MBP: variants seen among roughly 807,000 people sequenced by gnomAD.
MBP encodes myelin basic protein, also known as Golli-MBP.
Under a neutral mutation model 35.8 loss-of-function variants are expected in MBP, and 16 were observed. The ratio of observed to expected loss-of-function variants is 0.45; its 90% CI spans 0.30 to 0.68. MBP has a LOEUF of 0.68. MBP is among the 30% of genes least tolerant of loss of function. MBP has a pLI of 0.08. For missense variants in MBP, 380 were observed against 404.7 expected (o/e 0.94, Z 0.52); for synonymous variants, 143 against 159.6 (o/e 0.90, Z 0.78).
At chr18:76,986,145 G>A (rs999351555) in intron 7 of MBP, 12 of 985,472 alleles carry the variant, frequency 1.2e-5, no homozygotes, top group East Asian at 1.1e-4. Context: ...GGCTGACCAC[G>A]CTGTTAGCTT....
intron 1 of MBP, among the ~76,000 whole-genome samples, chr18:77,118,811 G>T (rs974822685): frequency 1.6e-5 from 2 of 128,742 alleles, no homozygotes; most frequent in South Asian, 5.1e-4. Flanking sequence ...CACACTATAC[G>T]CACACCACAC....
At chr18:77,094,939 T>C (rs150172975) in intron 2 of MBP, among the ~76,000 whole-genome samples, 285 of 152,316 alleles carry the variant, frequency 1.9e-3, no homozygotes, top group African/African-American at 6.6e-3. Context: ...AGCACAAATA[T>C]AGAACATCTC....
At chr18:77,031,337 C>G (rs1972534419) in intron 3 of MBP, among the ~76,000 whole-genome samples, 1 of 152,228 alleles carries the variant, frequency 6.6e-6, no homozygotes, top group Admixed American at 6.5e-5. Context: ...GCCCTGCTGC[C>G]CACCCTCTCA....
At chr18:77,017,413 T>G (rs1568293956) in intron 3 of MBP, 145 bp from the exon 4 acceptor site, 2 of 644,760 alleles carry the variant, frequency 3.1e-6, no homozygotes, top group African/African-American at 1.8e-5. Flanking sequence ...TGGCCTAGGA[T>G]GGAGCTAACC....
intron 3 of MBP, among the ~76,000 whole-genome samples, chr18:77,053,702 C>T (rs954227202): frequency 2.0e-5 from 3 of 152,222 alleles, no homozygotes; most frequent in Non-Finnish European, 4.4e-5. Flanking sequence ...GGAACACTGC[C>T]ATGTGCAAAT....
intron 2 of MBP, among the ~76,000 whole-genome samples, chr18:77,069,831 C>T (rs1025996533): frequency 3.9e-5 from 6 of 152,148 alleles, no homozygotes; most frequent in Admixed American, 6.5e-5. Flanking sequence ...CACACCAAAG[C>T]GGCCACAGGT....
chr18:77,001,333 G>A (rs1189293196), intron 4 of MBP, among the ~76,000 whole-genome samples: 2 of 152,236 alleles, frequency 1.3e-5, no homozygotes, highest in Non-Finnish European at 2.9e-5. Context: ...CTAGATACAC[G>A]GGTGTAGATA....
At position 77,017,136 on chromosome 18, in the gene MBP, A is replaced by G; in HGVS notation, c.272T>C (p.Leu91Ser). The G allele has an allele frequency of 6.3e-7, 1 of 1,575,656 alleles. No individual in the cohort carries two copies. The highest frequency in any genetic ancestry group is 8.6e-7 in the Non-Finnish European group (1 of 1,158,176). The change falls in exon 4 of 9, where the codon TTG becomes TCG. Residue 91 changes from leucine to serine, a missense_variant. Coordinates refer to ENST00000355994, the MANE Select transcript of MBP (RefSeq NM_001025101.2). ...HPADPGSRPH[L>S]IRLFSRDAPG... ...GGCATCTCGGGAAAAGAGGCGGATC[A>G]AGTGGGGGCGGCTCCCTGGGTCAGC...
intron 4 of MBP, chr18:77,012,659 G>A (rs144171176): frequency 0.02 from 6,121 of 311,630 alleles, 98 homozygotes; most frequent in Non-Finnish European, 0.025. Flanking sequence ...GCAGGAGCTC[G>A]GGTGCTCACA....
chr18:77,047,499 G>A (rs1218819698), intron 3 of MBP, among the ~76,000 whole-genome samples: 5 of 152,196 alleles, frequency 3.3e-5, no homozygotes, highest in Non-Finnish European at 2.9e-5. Context: ...GAATGGAGAA[G>A]GACGTCTAGT....
intron 1 of MBP, among the ~76,000 whole-genome samples, chr18:77,116,360 C>G (rs1033941134): frequency 6.6e-6 from 1 of 152,192 alleles, no homozygotes; most frequent in Non-Finnish European, 1.5e-5. Flanking sequence ...TCCTTAACTT[C>G]GCAGGACACA....
intron 3 of MBP, among the ~76,000 whole-genome samples, chr18:77,061,108 G>A (rs1458098564): frequency 4.6e-5 from 7 of 151,834 alleles, no homozygotes; most frequent in African/African-American, 1.7e-4. Context: ...GTGGATCATA[G>A]CAGGTCCTCT....
chr18:77,047,444 A>G (rs1485064852), intron 3 of MBP, among the ~76,000 whole-genome samples: 1 of 152,234 alleles, frequency 6.6e-6, no homozygotes, highest in Non-Finnish European at 1.5e-5. Flanking sequence ...CATGGAAAGT[A>G]GATTCGCAGT....
chr18:77,028,839 T>C (rs1440515511), intron 3 of MBP, among the ~76,000 whole-genome samples: 1 of 96,338 alleles, frequency 1.0e-5, no homozygotes, highest in African/African-American at 3.6e-5. Flanking sequence ...GAGACGCTCC[T>C]CACTTCCCAG....
At chr18:77,022,140 C>T (rs184362540) in intron 3 of MBP, among the ~76,000 whole-genome samples, 10 of 152,312 alleles carry the variant, frequency 6.6e-5, no homozygotes, top group South Asian at 6.2e-4. Context: ...GTAAGTGAGA[C>T]GTATCATGCA....
chr18:77,112,169 G>GCGCACACACACACACACACACACA (rs370587502), intron 1 of MBP, among the ~76,000 whole-genome samples: 1 of 150,874 alleles, frequency 6.6e-6, no homozygotes, highest in East Asian at 2.0e-4. Context: ...CCGTGCACAC[G>GCGCACACACACACACACACACACA]CACACACACA....
intron 4 of MBP, among the ~76,000 whole-genome samples, chr18:76,993,589 C>T (rs186099802): frequency 7.2e-5 from 11 of 151,784 alleles, no homozygotes; most frequent in Non-Finnish European, 1.3e-4. Context: ...CATTTTATCC[C>T]TTGGATTTCT....
Position 77,013,087 on chromosome 18 carries a change from A to G in MBP, c.576+3745T>C, listed in dbSNP as rs1019978816. Reference sequence around the variant, plus strand: ...GACTGAGCCAGGGTAGCCTCCGATCAATAACTGATCAGAGTAATGAGACTT... The same window carrying G: ...GACTGAGCCAGGGTAGCCTCCGATCGATAACTGATCAGAGTAATGAGACTT... On this transcript the variant is annotated intron_variant, in intron 4 of 8. Transcript: ENST00000355994. 11 of 985,352 alleles carry G rather than the reference A, an allele frequency of 1.1e-5. No homozygotes were observed. The African/African-American group carries it at 1.9e-4, about 17-fold the overall frequency. 61.0% of individuals were successfully genotyped at this position (985,352 alleles called of 1,614,324 possible).
intron 2 of MBP, among the ~76,000 whole-genome samples, chr18:77,092,116 G>C (rs948880): frequency 0.029 from 4,421 of 152,298 alleles, 207 homozygotes; most frequent in African/African-American, 0.097. Context: ...ACGAAAGGGC[G>C]TGCTTTCCAC....
Sources: gnomAD v4.1 joint callset for allele counts (sites outside exome capture counted in the v4.1 genomes callset) on GRCh38, gnomAD v4.1.1 for gene constraint, MANE v1.5 for transcripts, NCBI Gene and HGNC (gene_info 2026-07-23, HGNC 2026-07-21) for gene names.